SLC16A3: variants seen among roughly 807,000 people sequenced by gnomAD.
SLC16A3 encodes the protein monocarboxylate transporter 4.
Under a neutral mutation model 25.0 loss-of-function variants are expected in SLC16A3, and 22 were observed. The ratio of observed to expected loss-of-function variants is 0.88; its 90% CI spans 0.63 to 1.26. The LOEUF (loss-of-function observed/expected upper bound fraction) is 1.26. SLC16A3 is among the 50% of genes most tolerant of loss of function. The pLI, the probability that SLC16A3 is intolerant of heterozygous loss-of-function variation, is 0.00. For synonymous variants in SLC16A3, 390 were observed against 309.2 expected (o/e 1.26, Z -2.74); for missense variants, 731 against 666.6 (o/e 1.10, Z -1.06).
chr17:82,234,012 T>TGTA, intron 1 of SLC16A3: 2 of 152,156 alleles, frequency 1.3e-5, no homozygotes, highest in African/African-American at 4.8e-5. Flanking sequence ...AGCTAATTTT[T>TGTA]TTTATTTTTA....
chr17:82,221,927 G>A (rs1016116576), intron 1 of SLC16A3, among the ~76,000 whole-genome samples: 3 of 152,232 alleles, frequency 2.0e-5, no homozygotes, highest in South Asian at 2.1e-4. Context: ...TGGTGCGGAT[G>A]TGGAGAAACT....
intron 1 of SLC16A3, among the ~76,000 whole-genome samples, chr17:82,221,923 G>A (rs1184936960): frequency 6.6e-6 from 1 of 152,222 alleles, no homozygotes; most frequent in Non-Finnish European, 1.5e-5. Flanking sequence ...GCGCTGGTGC[G>A]GATGTGGAGA....
At position 82,229,065 on chromosome 17, in the gene SLC16A3, AGAGG is replaced by A; in HGVS notation, c.-67_-64del. ...CCGGCAGAGGCGGGCAGAGGCGGCG[AGAGG>A]CGGCGAGAGGCGGGCTGAGGCGGCC... On this transcript the variant is annotated 5_prime_UTR_variant, in exon 1 of 5. Coordinates refer to ENST00000582743, the MANE Select transcript of SLC16A3 (RefSeq NM_004207.4). 6.7e-5 allele frequency: 1 copy of A among 14,822 alleles called. No homozygotes were observed. Among genetic ancestry groups the A allele is most frequent in the Admixed American group, 9.3e-4 (1 of 1,074 alleles). The allele number at this position is 14,822 out of a possible 1,614,324, so 0.9% of individuals were successfully genotyped here.
At chr17:82,238,526 G>A (rs891373780) in intron 4 of SLC16A3, among the ~76,000 whole-genome samples, 176 bp from the exon 5 acceptor site, 7 of 152,188 alleles carry the variant, frequency 4.6e-5, no homozygotes, top group African/African-American at 1.7e-4. Flanking sequence ...GAGGAGGAGG[G>A]AGGATGCCCC....
chr17:82,220,049 A>T (rs1326367467), intron 1 of SLC16A3, among the ~76,000 whole-genome samples: 1 of 152,162 alleles, frequency 6.6e-6, no homozygotes, highest in African/African-American at 2.4e-5. Context: ...TCTCAGGGCC[A>T]CACTTTGCCC....
intron 3 of SLC16A3, 75 bp downstream of exon 3, chr17:82,236,947 C>A: frequency 6.4e-7 from 1 of 1,564,486 alleles, no homozygotes; most frequent in Non-Finnish European, 8.7e-7. Context: ...TGGGTCCAGG[C>A]CTCTGGAGGA....
chr17:82,238,712 G>A lies in SLC16A3; in HGVS notation c.1134G>A (p.Leu378=). Residue 378 remains leucine (L), a synonymous_variant, in exon 5 of 5, where the codon CTG becomes CTA. Transcript: ENST00000582743. ...LVGPPSGGKL[L]DATHVYMYVF... ...GGGGTCTTCCCGCAGGCAAACTCCT[G>A]GATGCGACCCACGTCTACATGTACG... 9 of 1,610,440 alleles carry A rather than the reference G, an allele frequency of 5.6e-6. No homozygotes were observed. The highest frequency in any genetic ancestry group is 7.6e-6 in the Non-Finnish European group (9 of 1,178,910).
intron 1 of SLC16A3, among the ~76,000 whole-genome samples, chr17:82,222,782 G>T (rs553218982): frequency 1.4e-5 from 2 of 142,952 alleles, no homozygotes; most frequent in Admixed American, 1.5e-4. Flanking sequence ...CAGCCTGGGG[G>T]ACAAGAGCGA....
Position 82,237,828 on chromosome 17 carries a change from C to A in SLC16A3, c.1058C>A (p.Ser353Tyr). 1 of 1,608,644 alleles carries A rather than the reference C, an allele frequency of 6.2e-7. No individual in the cohort carries two copies. The highest frequency in any genetic ancestry group is 8.5e-7 in the Non-Finnish European group (1 of 1,179,920). The stretch of plus-strand genomic sequence containing the variant: ...GCCATCGTGGGCACCCACAAGTTCT[C>A]CAGTGCCATTGGCCTGGTGCTGCTG... ...LMAIVGTHKF[S>Y]SAIGLVLLME... is the part of the protein sequence containing the mutation. Residue 353 changes from serine to tyrosine, a missense_variant, in exon 4 of 5, where the codon TCC becomes TAC. Coordinates refer to ENST00000582743, the MANE Select transcript of SLC16A3 (RefSeq NM_004207.4).
intron 2 of SLC16A3, chr17:82,236,468 G>A (rs551339553): frequency 6.2e-5 from 39 of 627,514 alleles, no homozygotes; most frequent in Middle Eastern, 4.3e-4. Flanking sequence ...TTTATAGACC[G>A]TCTCAGAGGA....
Position 82,237,595 on chromosome 17 carries a change from C to G in SLC16A3, c.825C>G (p.Ile275Met), listed in dbSNP as rs1196338230. 1 of 1,612,516 alleles carries G rather than the reference C, an allele frequency of 6.2e-7. No individual in the cohort carries two copies. The highest frequency in any genetic ancestry group is 1.1e-5 in the South Asian group (1 of 91,046). Reference sequence around the variant, plus strand: ...TCACCATCCTGGGCTTCATTGACATCTTCGCGCGGCCGGCCGCGGGCTTCG... The same window carrying G: ...TCACCATCCTGGGCTTCATTGACATGTTCGCGCGGCCGGCCGCGGGCTTCG... ...FLLTILGFID[I>M]FARPAAGFVA... Residue 275 changes from isoleucine to methionine, a missense_variant, in exon 4 of 5, where the codon ATC becomes ATG. Ile to Met is a conservative substitution (Grantham distance 10). Transcript: ENST00000582743.
chr17:82,225,791 G>C (rs1422819721), upstream of SLC16A3, among the ~76,000 whole-genome samples: 1 of 152,174 alleles, frequency 6.6e-6, no homozygotes, highest in Non-Finnish European at 1.5e-5. Context: ...GATGTGGGCT[G>C]TGTGGCTCCC....
At chr17:82,238,351 G>A (rs1360808167) in intron 4 of SLC16A3, among the ~76,000 whole-genome samples, 1 of 152,202 alleles carries the variant, frequency 6.6e-6, no homozygotes, top group African/African-American at 2.4e-5. Context: ...GGAGTCCGCG[G>A]TGGCCAGGGC....
chr17:82,238,124 G>A (rs1286517817), intron 4 of SLC16A3, among the ~76,000 whole-genome samples: 1 of 152,186 alleles, frequency 6.6e-6, no homozygotes, highest in Non-Finnish European at 1.5e-5. Flanking sequence ...GTGGCTAGGG[G>A]CTGGGCCCGG....
Position 82,237,090 on chromosome 17 carries a change from G to A in SLC16A3, c.368-48G>A, listed in dbSNP as rs573253807. 38 of 1,469,264 alleles carry A rather than the reference G, an allele frequency of 2.6e-5. No homozygotes were observed. The South Asian group carries it at 4.2e-4, about 16-fold the overall frequency. The allele number at this position is 1,469,264 out of a possible 1,614,324, so 91.0% of individuals were successfully genotyped here. Reference sequence around the variant, plus strand: ...CTGGGGGCAGAGATGAGGGTCTCGGGCTTTGGGGCAGCCTTGGGGGGCTCT... The same window carrying A: ...CTGGGGGCAGAGATGAGGGTCTCGGACTTTGGGGCAGCCTTGGGGGGCTCT... On this transcript the variant is annotated intron_variant, in intron 3 of 4. Transcript: ENST00000582743.
At chr17:82,227,685 CA>C (rs1047646516), upstream of SLC16A3, among the ~76,000 whole-genome samples, 1 of 10,622 alleles carries the variant, frequency 9.4e-5, no homozygotes, top group African/African-American at 1.1e-3. Flanking sequence ...TGGGCGGGAG[CA>C]GCACGGGCCA....
chr17:82,227,334 G>A (rs142307454), upstream of SLC16A3, among the ~76,000 whole-genome samples: 171 of 152,182 alleles, frequency 1.1e-3, 2 homozygotes, highest in African/African-American at 4.0e-3. Flanking sequence ...AGGGTTCAGG[G>A]ATCAGGGCCA....
chr17:82,239,740 C>G lies in SLC16A3; in HGVS notation c.*764C>G. The G allele has an allele frequency of 2.6e-6, 1 of 387,064 alleles. No homozygotes were observed. Among genetic ancestry groups the G allele is most frequent in the Non-Finnish European group, 4.6e-6 (1 of 219,074 alleles). 24.0% of individuals were successfully genotyped at this position (387,064 alleles called of 1,614,324 possible). A position where few individuals can be genotyped will look rare whatever the true frequency, so the allele number is the denominator to read the frequency against. On this transcript the variant is annotated 3_prime_UTR_variant, in exon 5 of 5. Coordinates refer to ENST00000582743, the MANE Select transcript of SLC16A3 (RefSeq NM_004207.4). Reference sequence around the variant, plus strand: ...AGATGGGAGCTGAGGTGGAACAAGCCACTTTATTCACTGCTGTGTTTAAGA... The same window carrying G: ...AGATGGGAGCTGAGGTGGAACAAGCGACTTTATTCACTGCTGTGTTTAAGA...
At chr17:82,228,640 G>A (rs1599551146), upstream of SLC16A3, 1 of 152,380 alleles carries the variant, frequency 6.6e-6, no homozygotes, top group East Asian at 1.9e-4. Flanking sequence ...CCCACCAAAG[G>A]GGCCCCGGCG....
Sources: gnomAD v4.1 joint callset for allele counts (sites outside exome capture counted in the v4.1 genomes callset) on GRCh38, gnomAD v4.1.1 for gene constraint, MANE v1.5 for transcripts, NCBI Gene and HGNC (gene_info 2026-07-23, HGNC 2026-07-21) for gene names.